The following NPHP1 variants were observed in gnomAD, a reference collection of about 807,000 sequenced individuals.
NPHP1 encodes the protein nephrocystin-1.
NPHP1 carries 70 observed loss-of-function variants against 90.4 expected under a neutral mutation model. That is an observed-to-expected ratio of 0.77 (90% confidence interval 0.64 to 0.95). The LOEUF is 0.95. Ranked by LOEUF, NPHP1 falls within the 40% of genes least tolerant of loss-of-function variation. The probability of loss-of-function intolerance (pLI) is 0.00; values close to 1 mark genes in which losing one functional copy is unlikely to be tolerated. For synonymous variants in NPHP1, 256 were observed against 271.7 expected (o/e 0.94, Z 0.57); for missense variants, 764 against 795.9 (o/e 0.96, Z 0.48).
At chr2:110,186,007 T>C (rs1286904532) in intron 2 of NPHP1, among the ~76,000 whole-genome samples, 2 of 152,138 alleles carry the variant, frequency 1.3e-5, no homozygotes, top group Non-Finnish European at 2.9e-5. Flanking sequence ...AGTAAGGGGA[T>C]GGAGAGAGGG....
Position 110,129,266 on chromosome 2 carries a change from T to A in NPHP1, c.1643-7A>T. On this transcript the variant is annotated splice_polypyrimidine_tract_variant and splice_region_variant and intron_variant, in intron 17 of 19. Transcript: ENST00000445609. ...ATGGGATGGCTAATTAAATCTGAAATGCAAAACAACAGAAAGAATTTTATG... is the reference window on the plus strand; with the variant it reads ...ATGGGATGGCTAATTAAATCTGAAAAGCAAAACAACAGAAAGAATTTTATG... 1 of 1,609,944 alleles carries A rather than the reference T, an allele frequency of 6.2e-7. No individual in the cohort carries two copies. The highest frequency in any genetic ancestry group is 2.2e-5 in the East Asian group (1 of 44,872).
chr2:110,183,912 A>G (rs1203665134), intron 2 of NPHP1: 1 of 331,828 alleles, frequency 3.0e-6, no homozygotes, highest in East Asian at 7.8e-5. Flanking sequence ...GAAATAAAAT[A>G]TTCCTCAGCA....
chr2:110,170,056 T>C (rs2104579368), intron 4 of NPHP1, 58 bp from the exon 5 acceptor site: 1 of 1,606,292 alleles, frequency 6.2e-7, no homozygotes, highest in South Asian at 1.1e-5. Context: ...ACAGACCAGC[T>C]ATGAGTGTAA....
chr2:110,130,343 T>A (rs563120281), intron 17 of NPHP1, among the ~76,000 whole-genome samples: 5 of 152,284 alleles, frequency 3.3e-5, no homozygotes, highest in Non-Finnish European at 7.4e-5. Context: ...ATGATTAAAT[T>A]CAAATGAAGT....
rs576495586 is a variant in NPHP1 at position 110,156,141 on chromosome 2, G to A, written c.1083+3986C>T. ...GGCTGGAGTGTAGTGACATGATCTC[G>A]GCTCACTGCAACCTCCACCTCCCAG... On this transcript the variant is annotated intron_variant, in intron 11 of 19. Coordinates refer to ENST00000445609, the MANE Select transcript of NPHP1 (RefSeq NM_001128178.3). Among the ~76,000 whole-genome samples the A allele has an allele frequency of 4.0e-5, 6 of 149,992 alleles. No homozygotes were observed. The South Asian group carries it at 6.4e-4, about 16-fold the overall frequency.
chr2:110,143,670 G>A (rs1421302194), intron 15 of NPHP1, 29 bp from the exon 16 acceptor site: 7 of 1,447,532 alleles, frequency 4.8e-6, no homozygotes, highest in African/African-American at 1.4e-5. Context: ...AGTAACTCAC[G>A]AAACTTTAAG....
At position 110,168,447 on chromosome 2, in the gene NPHP1, C is replaced by T. The variant is rs1682870945; in HGVS notation, c.624+5G>A. 1.3e-6 allele frequency: 2 copies of T among 1,567,832 alleles called. No homozygotes were observed. Among genetic ancestry groups the T allele is most frequent in the Non-Finnish European group, 1.8e-6 (2 of 1,138,536 alleles). On this transcript the variant is annotated splice_donor_5th_base_variant and intron_variant, in intron 6 of 19. Transcript: ENST00000445609. ...TAGAAAAGGAAGGCATAAACCAAGA[C>T]TAACCTCTAGGTAGGTTCTGGGAAC...
intron 16 of NPHP1, among the ~76,000 whole-genome samples, chr2:110,142,720 T>C (rs1680738831): frequency 6.6e-6 from 1 of 152,178 alleles, no homozygotes; most frequent in Admixed American, 6.5e-5. Flanking sequence ...CACATTAACC[T>C]ACAGTTGGGC....
At chr2:110,164,039 A>AC (rs1682537252) in intron 8 of NPHP1, 1 of 154,502 alleles carries the variant, frequency 6.5e-6, no homozygotes, top group African/African-American at 2.4e-5. Context: ...GTAATTAATT[A>AC]CTTTTTTTTT....
rs11453404 is a variant in NPHP1 at position 110,168,405 on chromosome 2, G to GA, written c.624+46dup. On this transcript the variant is annotated intron_variant, in intron 6 of 19. Coordinates refer to ENST00000445609, the MANE Select transcript of NPHP1 (RefSeq NM_001128178.3). ...CACAGCTAAATGTTTTATTAAAAGC[G>GA]AAAAAAAAAAAAGTCTTAGAAAAGG... is the stretch of plus-strand genomic sequence containing the variant. 100,198 of 859,508 alleles carry GA rather than the reference G, an allele frequency of 0.12. 1,754 individuals are homozygous for GA. The highest frequency in any genetic ancestry group is 0.29 in the African/African-American group (16,573 of 57,118). 53.2% of individuals were successfully genotyped at this position (859,508 alleles called of 1,614,324 possible).
In NPHP1 at chr2:110,169,913, C is replaced by A. The variant is rs1349732291; in HGVS notation, c.415G>T (p.Glu139Ter). 4 of 1,608,926 alleles carry A rather than the reference C, an allele frequency of 2.5e-6. No homozygotes were observed. In the African/African-American group the frequency reaches 5.3e-5, roughly 22 times the overall value. Residue 139 changes from glutamate (E) to a stop codon, truncating the protein, a stop_gained, in exon 5 of 20, where the codon GAA (glutamate) becomes TAA (stop). Transcript: ENST00000445609. LOFTEE classifies it high-confidence loss of function. ...SGGEEEDAEE[E>*]EEEKEENESH... ...TCATTTTCCTCTTTCTCTTCCTCTT[C>A]CTCCTCTGCATCTTCTTCCTCCCCA...
chr2:110,163,397 CA>C (rs535221349), intron 8 of NPHP1: 371 of 468,038 alleles, frequency 7.9e-4, no homozygotes, highest in African/African-American at 4.9e-3. Flanking sequence ...ATACCCTTAT[CA>C]AAATGTCCCT....
At chr2:110,170,104 G>T (rs1487988384) in intron 4 of NPHP1, 106 bp from the exon 5 acceptor site, 8 of 1,385,212 alleles carry the variant, frequency 5.8e-6, no homozygotes, top group African/African-American at 1.4e-5. Context: ...TTTGGAGCTG[G>T]CAAATAAAAG....
In NPHP1 at chr2:110,185,591, G is replaced by A. The variant is rs1484125529; in HGVS notation, c.144-5907C>T. On this transcript the variant is annotated intron_variant, in intron 2 of 19. Coordinates refer to ENST00000445609, the MANE Select transcript of NPHP1 (RefSeq NM_001128178.3). The stretch of plus-strand genomic sequence containing the variant: ...CACCCTCACTCCCACCCACCAGGGT[G>A]CCCTGAGGACCCAGGCAGCTGCTGC... Among the ~76,000 whole-genome samples the A allele has an allele frequency of 2.0e-5, 3 of 152,108 alleles. No homozygotes were observed. The East Asian group carries it at 5.8e-4, about 29-fold the overall frequency.
intron 1 of NPHP1, among the ~76,000 whole-genome samples, chr2:110,203,533 G>T (rs1160073687): frequency 6.6e-6 from 1 of 151,958 alleles, no homozygotes; most frequent in African/African-American, 2.4e-5. Context: ...AGCTTTTGTT[G>T]CACCACTGTG....
At chr2:110,194,857 G>T (rs1481078943) in intron 2 of NPHP1, among the ~76,000 whole-genome samples, 6 of 152,042 alleles carry the variant, frequency 3.9e-5, no homozygotes, top group African/African-American at 9.7e-5. Context: ...TTCAACATAC[G>T]CAAGTCAATA....
intron 12 of NPHP1, among the ~76,000 whole-genome samples, chr2:110,149,471 C>T (rs1681306583): frequency 6.6e-6 from 1 of 152,112 alleles, no homozygotes; most frequent in Non-Finnish European, 1.5e-5. Context: ...GTGCTCTCGA[C>T]AAGTCTGGAC....
At chr2:110,131,023 A>C (rs1486311037) in intron 17 of NPHP1, among the ~76,000 whole-genome samples, 2 of 152,168 alleles carry the variant, frequency 1.3e-5, no homozygotes, top group Non-Finnish European at 2.9e-5. Flanking sequence ...TACTCAGTAC[A>C]TATCTGGTTA....
chr2:110,143,777 CTAAA>C (rs1680819027), intron 15 of NPHP1, 136 bp from the exon 16 acceptor site: 4 of 682,526 alleles, frequency 5.9e-6, no homozygotes, highest in East Asian at 5.5e-5. Flanking sequence ...TCCATATACC[CTAAA>C]TGAGCTGAGA....
Sources: allele counts gnomAD v4.1 joint callset (sites outside exome capture counted in the v4.1 genomes callset), GRCh38; gene constraint gnomAD v4.1.1; transcripts MANE v1.5; gene names NCBI Gene and HGNC (gene_info 2026-07-23, HGNC 2026-07-21).